KCNIP4: variants seen among roughly 807,000 people sequenced by gnomAD.
The protein encoded by KCNIP4 is Kv channel-interacting protein 4.
Under a neutral mutation model 34.0 loss-of-function variants are expected in KCNIP4, and 12 were observed. The ratio of observed to expected loss-of-function variants is 0.35; its 90% CI spans 0.23 to 0.57. KCNIP4 has a LOEUF of 0.57. KCNIP4 is among the 20% of genes least tolerant of loss of function. The probability of loss-of-function intolerance (pLI) is 0.83; values close to 1 mark genes in which losing one functional copy is unlikely to be tolerated. For synonymous variants in KCNIP4, 124 were observed against 102.2 expected (o/e 1.21, Z -1.29); for missense variants, 238 against 311.7 (o/e 0.76, Z 1.78).
At chr4:21,198,087 A>G (rs932505648) in intron 1 of KCNIP4, among the ~76,000 whole-genome samples, 2 of 152,160 alleles carry the variant, frequency 1.3e-5, no homozygotes, top group African/African-American at 4.8e-5. Context: ...CATATGAGTA[A>G]TTTTCAGAAA....
chr4:20,796,678 A>G (rs1206328269), intron 3 of KCNIP4, among the ~76,000 whole-genome samples: 1 of 151,980 alleles, frequency 6.6e-6, no homozygotes, highest in Non-Finnish European at 1.5e-5. Context: ...TTTGCAGAGT[A>G]AACAAAAAAG....
At chr4:21,142,150 CAAAA>C (rs369182504) in intron 1 of KCNIP4, among the ~76,000 whole-genome samples, 2 of 105,920 alleles carry the variant, frequency 1.9e-5, no homozygotes, top group Non-Finnish European at 3.8e-5. Context: ...GACACCGTCT[CAAAA>C]AAAAAAAAAA....
At chr4:20,905,338 G>A (rs534713386) in intron 1 of KCNIP4, among the ~76,000 whole-genome samples, 2 of 152,056 alleles carry the variant, frequency 1.3e-5, no homozygotes, top group South Asian at 2.1e-4. Flanking sequence ...CTGAATTAGG[G>A]TTTCACCCTA....
At chr4:21,793,720 T>C (rs1720441458) in intron 1 of KCNIP4, among the ~76,000 whole-genome samples, 1 of 152,220 alleles carries the variant, frequency 6.6e-6, no homozygotes, top group Non-Finnish European at 1.5e-5. Context: ...CCCATATAAA[T>C]TGTCTTCCAG....
In KCNIP4 at chr4:20,932,606, T is replaced by A. The variant is rs1199977405; in HGVS notation, c.62-49897A>T. 2.0e-5 allele frequency among the ~76,000 whole-genome samples: 3 copies of A among 152,244 alleles called. No homozygotes were observed. The East Asian group carries it at 5.8e-4, about 29-fold the overall frequency. Reference sequence around the variant, plus strand: ...ATAACTATGCGAGATGATAGATACGTTAATTTGATTCACCATAGTAACCAT... The same window carrying A: ...ATAACTATGCGAGATGATAGATACGATAATTTGATTCACCATAGTAACCAT... On this transcript the variant is annotated intron_variant, in intron 1 of 8. Coordinates refer to ENST00000382152, the MANE Select transcript of KCNIP4 (RefSeq NM_025221.6).
At chr4:21,773,566 C>T (rs1718949728) in intron 1 of KCNIP4, among the ~76,000 whole-genome samples, 1 of 152,078 alleles carries the variant, frequency 6.6e-6, no homozygotes, top group Admixed American at 6.5e-5. Flanking sequence ...TCTTTATAGT[C>T]TCTAAGAACT....
In KCNIP4 at chr4:21,547,606, C is replaced by T. The variant is rs1738244843; in HGVS notation, c.61+400965G>A. ...TCAGAATTTTAAAGGGACCATATTA[C>T]CCTATAAACTTAAGCATATGCACAA... is the stretch of plus-strand genomic sequence containing the variant. On this transcript the variant is annotated intron_variant, in intron 1 of 8. Coordinates refer to ENST00000382152, the MANE Select transcript of KCNIP4 (RefSeq NM_025221.6). 2.0e-5 allele frequency among the ~76,000 whole-genome samples: 3 copies of T among 152,120 alleles called. No homozygotes were observed. The South Asian group carries it at 6.2e-4, about 32-fold the overall frequency.
chr4:20,992,441 G>A (rs577832999), intron 1 of KCNIP4, among the ~76,000 whole-genome samples: 2 of 152,124 alleles, frequency 1.3e-5, no homozygotes, highest in Non-Finnish European at 2.9e-5. Context: ...TGGAAATTAT[G>A]GGGATTACAA....
chr4:21,668,511 C>T (rs1749207592), intron 1 of KCNIP4, among the ~76,000 whole-genome samples: 1 of 152,086 alleles, frequency 6.6e-6, no homozygotes, highest in Non-Finnish European at 1.5e-5. Context: ...GAAATTAGAA[C>T]TAAGTTCTGA....
chr4:21,267,405 G>A (rs1761879362), intron 1 of KCNIP4, among the ~76,000 whole-genome samples: 5 of 151,904 alleles, frequency 3.3e-5, no homozygotes, highest in Admixed American at 3.3e-4. Context: ...AGTGGTGGGA[G>A]AGGGCATCCC....
intron 1 of KCNIP4, among the ~76,000 whole-genome samples, chr4:20,952,299 C>T (rs1732865030): frequency 6.6e-6 from 1 of 151,952 alleles, no homozygotes; most frequent in Non-Finnish European, 1.5e-5. Flanking sequence ...CTAGGCACTT[C>T]TATGTATTTA....
At chr4:21,388,347 T>C (rs2109502964) in intron 1 of KCNIP4, among the ~76,000 whole-genome samples, 1 of 151,766 alleles carries the variant, frequency 6.6e-6, no homozygotes, top group African/African-American at 2.4e-5. Context: ...AATCTGAATT[T>C]TCTAGGCTGT....
At chr4:21,055,553 G>A (rs549594290) in intron 1 of KCNIP4, among the ~76,000 whole-genome samples, 1 of 152,258 alleles carries the variant, frequency 6.6e-6, no homozygotes, top group Middle Eastern at 3.4e-3. Flanking sequence ...AAAGTACAAA[G>A]GTGGTACATA....
chr4:20,734,508 C>T (rs1319662141), intron 6 of KCNIP4, 120 bp downstream of exon 6: 1 of 529,478 alleles, frequency 1.9e-6, no homozygotes, highest in Non-Finnish European at 3.3e-6. Context: ...TCTTCCACTA[C>T]ATAAAATATT....
chr4:21,525,939 C>A (rs1363094090), intron 1 of KCNIP4, among the ~76,000 whole-genome samples: 1 of 151,982 alleles, frequency 6.6e-6, no homozygotes, highest in South Asian at 2.1e-4. Context: ...AACTACATTA[C>A]AACAAAGAAA....
At chr4:21,100,865 C>G (rs994093263) in intron 1 of KCNIP4, among the ~76,000 whole-genome samples, 1 of 152,138 alleles carries the variant, frequency 6.6e-6, no homozygotes, top group Non-Finnish European at 1.5e-5. Context: ...TCATCAGGAG[C>G]TGAACCTGCA....
At chr4:21,643,079 G>C (rs544257545) in intron 1 of KCNIP4, among the ~76,000 whole-genome samples, 4 of 152,130 alleles carry the variant, frequency 2.6e-5, no homozygotes, top group African/African-American at 7.2e-5. Context: ...GAGTTACAGC[G>C]ATGTAACCAG....
chr4:21,395,797 G>A (rs1250969778), intron 1 of KCNIP4, among the ~76,000 whole-genome samples: 1 of 151,876 alleles, frequency 6.6e-6, no homozygotes, highest in Non-Finnish European at 1.5e-5. Flanking sequence ...ATGATGTGGG[G>A]GTAAGGTAAT....
chr4:21,831,799 T>C (rs1222570768), intron 1 of KCNIP4, among the ~76,000 whole-genome samples: 2 of 151,944 alleles, frequency 1.3e-5, no homozygotes, highest in Non-Finnish European at 2.9e-5. Flanking sequence ...TCCAAACTCA[T>C]TTTATACAGC....
Sources: gnomAD v4.1 joint callset for allele counts (sites outside exome capture counted in the v4.1 genomes callset) on GRCh38, gnomAD v4.1.1 for gene constraint, MANE v1.5 for transcripts, NCBI Gene and HGNC (gene_info 2026-07-23, HGNC 2026-07-21) for gene names.